Variants in RASAL2 observed in about 807,000 individuals in gnomAD.
RASAL2 encodes the protein ras GTPase-activating protein nGAP.
Under a neutral mutation model 128.9 loss-of-function variants are expected in RASAL2, and 58 were observed. The observed-to-expected ratio is 0.45, with a 90% confidence interval of 0.36 to 0.56. The LOEUF is 0.56. Ranked by LOEUF, RASAL2 falls within the 20% of genes least tolerant of loss-of-function variation. The probability of loss-of-function intolerance (pLI) is 0.00; values close to 1 mark genes in which losing one functional copy is unlikely to be tolerated. For missense variants in RASAL2, 1,360 were observed against 1,601.6 expected (o/e 0.85, Z 2.57); for synonymous variants, 561 against 580.8 (o/e 0.97, Z 0.49).
chr1:178,138,538 A>G (rs1410742607), intron 1 of RASAL2, among the ~76,000 whole-genome samples: 1 of 152,144 alleles, frequency 6.6e-6, no homozygotes, highest in African/African-American at 2.4e-5. Context: ...TATAACCTTG[A>G]ACGAGCTGTA....
intron 5 of RASAL2, among the ~76,000 whole-genome samples, chr1:178,430,907 T>TACAC (rs71297897): frequency 0.016 from 2,123 of 134,010 alleles, 29 homozygotes; most frequent in African/African-American, 0.04. Flanking sequence ...GGCAAAAAAG[T>TACAC]ACACACACAC....
At chr1:178,421,327 C>A (rs558112402) in intron 5 of RASAL2, among the ~76,000 whole-genome samples, 136 of 152,186 alleles carry the variant, frequency 8.9e-4, no homozygotes, top group African/African-American at 3.2e-3. Context: ...CTTCAAAAAT[C>A]ATTGAATGTG....
rs569987380 is a variant in RASAL2, at chr1:178,099,271, G to T, written c.202+4577G>T. Among the ~76,000 whole-genome samples the T allele has an allele frequency of 2.6e-5, 4 of 152,282 alleles. No homozygotes were observed. The South Asian group carries it at 8.3e-4, about 32-fold the overall frequency. On this transcript the variant is annotated intron_variant, in intron 1 of 17. Coordinates refer to ENST00000367649, the MANE Select transcript of RASAL2 (RefSeq NM_170692.4). ...GAAATTTTTGGAATCTTAAGCTTGA[G>T]TTCAATACTTAGGATGTGGCATAGG...
intron 14 of RASAL2, among the ~76,000 whole-genome samples, chr1:178,462,314 T>C (rs1025026684): frequency 2.6e-5 from 4 of 152,302 alleles, no homozygotes; most frequent in African/African-American, 9.6e-5. Context: ...ATTTTAGTAA[T>C]GAATTCTAAA....
chr1:178,344,250 G>T (rs1273889388), intron 3 of RASAL2, among the ~76,000 whole-genome samples: 2 of 152,092 alleles, frequency 1.3e-5, no homozygotes, highest in African/African-American at 2.4e-5. Context: ...GGCTATAGTT[G>T]ATCAAAACTT....
intron 5 of RASAL2, among the ~76,000 whole-genome samples, chr1:178,432,552 G>A (rs912041013): frequency 1.3e-5 from 2 of 151,950 alleles, no homozygotes; most frequent in African/African-American, 2.4e-5. Flanking sequence ...CATCTACCCC[G>A]ACAGGAACCT....
At chr1:178,116,190 A>G (rs1659514944) in intron 1 of RASAL2, among the ~76,000 whole-genome samples, 2 of 152,082 alleles carry the variant, frequency 1.3e-5, no homozygotes, top group South Asian at 4.2e-4. Context: ...TTTCTATTAA[A>G]CTTTGTTTAC....
At chr1:178,445,389 C>T in intron 8 of RASAL2, 129 bp from the exon 9 acceptor site, 2 of 1,082,402 alleles carry the variant, frequency 1.8e-6, no homozygotes, top group Non-Finnish European at 2.6e-6. Flanking sequence ...TGCTTTTTTT[C>T]CTTTCAGATG....
At chr1:178,441,207 ATGTC>A (rs1255119512) in intron 6 of RASAL2, among the ~76,000 whole-genome samples, 1 of 152,192 alleles carries the variant, frequency 6.6e-6, no homozygotes, top group Non-Finnish European at 1.5e-5. Flanking sequence ...TTCATAGCAT[ATGTC>A]TAACTCACAG....
chr1:178,368,339 T>A (rs1317833137), intron 3 of RASAL2, among the ~76,000 whole-genome samples: 1 of 152,204 alleles, frequency 6.6e-6, no homozygotes, highest in Admixed American at 6.5e-5. Flanking sequence ...AGCTAATGTG[T>A]ATAAAGCACT....
chr1:178,149,479 ATTCT>A lies in RASAL2; in HGVS notation c.202+54794_202+54797del, dbSNP rs533197695. On this transcript the variant is annotated intron_variant, in intron 1 of 17. Transcript: ENST00000367649. ...TTGCCAGTACCTCTTTAATCATTGT[ATTCT>A]TTCTTTCTGCTTGTCATCTCATAAT... Among the ~76,000 whole-genome samples, 376 of 151,634 alleles carry A rather than the reference ATTCT, an allele frequency of 2.5e-3. 2 individuals are homozygous for A. Among genetic ancestry groups the A allele is most frequent in the South Asian group, 9.4e-3 (45 of 4,796 alleles).
intron 3 of RASAL2, among the ~76,000 whole-genome samples, chr1:178,325,142 T>TA (rs1044424261): frequency 2.0e-5 from 3 of 152,190 alleles, no homozygotes; most frequent in Non-Finnish European, 2.9e-5. Flanking sequence ...TTTCATTTTT[T>TA]AAAAAAATTC....
intron 4 of RASAL2, chr1:178,411,561 T>A (rs1674386442): frequency 1.6e-6 from 1 of 638,430 alleles, no homozygotes; most frequent in African/African-American, 1.8e-5. Flanking sequence ...AAAATAAAAA[T>A]TTGATTTAAA....
intron 3 of RASAL2, among the ~76,000 whole-genome samples, chr1:178,356,170 CAA>C (rs34590206): frequency 1.1e-4 from 8 of 73,932 alleles, no homozygotes; most frequent in Non-Finnish European, 8.8e-5. Flanking sequence ...GACTCTGTCT[CAA>C]AAAAAAAAAA....
At chr1:178,337,045 C>A (rs1172344296) in intron 3 of RASAL2, among the ~76,000 whole-genome samples, 1 of 151,880 alleles carries the variant, frequency 6.6e-6, no homozygotes, top group African/African-American at 2.4e-5. Flanking sequence ...TTTGCCTACT[C>A]CCTATAATAC....
chr1:178,412,172 G>T (rs1674435329), intron 4 of RASAL2, among the ~76,000 whole-genome samples: 1 of 152,124 alleles, frequency 6.6e-6, no homozygotes, highest in African/African-American at 2.4e-5. Context: ...CTAGCATGGT[G>T]TTAAGAGTCA....
chr1:178,218,524 TA>T (rs2101998518), intron 1 of RASAL2, among the ~76,000 whole-genome samples: 2 of 152,110 alleles, frequency 1.3e-5, no homozygotes, highest in South Asian at 4.2e-4. Context: ...CCTTCTCTAC[TA>T]AAAATACAAA....
chr1:178,228,053 G>T (rs747631925), intron 1 of RASAL2, among the ~76,000 whole-genome samples: 2 of 152,158 alleles, frequency 1.3e-5, no homozygotes, highest in Non-Finnish European at 2.9e-5. Context: ...TAACTAACGT[G>T]AGTGATATTA....
At chr1:178,337,802 G>T (rs1230454569) in intron 3 of RASAL2, among the ~76,000 whole-genome samples, 1 of 151,800 alleles carries the variant, frequency 6.6e-6, no homozygotes, top group Admixed American at 6.6e-5. Flanking sequence ...CGCAATCTCA[G>T]CTCACTGCAA....
Sources: allele counts gnomAD v4.1 joint callset (sites outside exome capture counted in the v4.1 genomes callset), GRCh38; gene constraint gnomAD v4.1.1; transcripts MANE v1.5; gene names NCBI Gene and HGNC (gene_info 2026-07-23, HGNC 2026-07-21).